Variants in PDLIM5 observed in about 807,000 individuals in gnomAD.
PDLIM5 encodes the protein PDZ and LIM domain 5, also known as PDZ and LIM domain protein 5.
In PDLIM5, 34 loss-of-function variants were observed where a neutral mutation model predicts 64.2. The ratio of observed to expected loss-of-function variants is 0.53; its 90% CI spans 0.40 to 0.71. The LOEUF (loss-of-function observed/expected upper bound fraction) is 0.71. Among genes scored for constraint, PDLIM5 ranks in the 30% least tolerant of loss-of-function variants. PDLIM5 has a pLI of 0.00. For missense variants in PDLIM5, 683 were observed against 733.6 expected (o/e 0.93, Z 0.80); for synonymous variants, 253 against 269.1 (o/e 0.94, Z 0.59).
At chr4:94,518,441 T>A (rs1452945891) in intron 2 of PDLIM5, among the ~76,000 whole-genome samples, 1 of 152,206 alleles carries the variant, frequency 6.6e-6, no homozygotes, top group East Asian at 1.9e-4. Flanking sequence ...TTATTTTCAG[T>A]GTAATTTTAT....
intron 2 of PDLIM5, among the ~76,000 whole-genome samples, chr4:94,468,859 A>G (rs1311206894): frequency 6.6e-6 from 1 of 152,232 alleles, no homozygotes; most frequent in African/African-American, 2.4e-5. Flanking sequence ...ACACATATTT[A>G]TTGATCTCTT....
At chr4:94,654,376 G>C in intron 9 of PDLIM5, 84 bp from the exon 10 acceptor site, 1 of 838,134 alleles carries the variant, frequency 1.2e-6, no homozygotes, top group Non-Finnish European at 2.0e-6. Flanking sequence ...TAATTGGTTG[G>C]ACATTGCATA....
chr4:94,587,693 A>G, intron 7 of PDLIM5: 1 of 984,892 alleles, frequency 1.0e-6, no homozygotes, highest in Non-Finnish European at 1.2e-6. Flanking sequence ...GCTCCTGAAA[A>G]AGGAAAGAAG....
chr4:94,457,821 CAG>C (rs1723515248), intron 2 of PDLIM5, among the ~76,000 whole-genome samples: 1 of 152,174 alleles, frequency 6.6e-6, no homozygotes, highest in South Asian at 2.1e-4. Context: ...CTTGTGTAGA[CAG>C]AGTGCTAATT....
Position 94,575,966 on chromosome 4 carries a change from C to T in PDLIM5, c.642C>T (p.Ser214=), listed in dbSNP as rs781533131. The T allele has an allele frequency of 3.6e-5, 58 of 1,614,012 alleles. No homozygotes were observed. Among genetic ancestry groups the T allele is most frequent in the Non-Finnish European group, 4.3e-5 (51 of 1,180,016 alleles). The change falls in exon 5 of 13, where the codon TCC becomes TCT. Residue 214 remains serine, a synonymous_variant. Transcript: ENST00000317968. ...PRQPTVTSVC[S]ETSQELAEGQ... ...AGCCCACAGTCACCAGCGTGTGTTC[C>T]GAGACTTCTCAGGAGCTAGCAGAGG...
At chr4:94,652,088 G>C (rs1741886345) in intron 9 of PDLIM5, among the ~76,000 whole-genome samples, 1 of 152,108 alleles carries the variant, frequency 6.6e-6, no homozygotes, top group Non-Finnish European at 1.5e-5. Flanking sequence ...GATGAACTTT[G>C]TCAAATATTT....
chr4:94,597,914 A>G (rs942067213), intron 7 of PDLIM5, among the ~76,000 whole-genome samples: 1 of 152,300 alleles, frequency 6.6e-6, no homozygotes, highest in East Asian at 1.9e-4. Flanking sequence ...AAGACCCAGA[A>G]TAAGTTCTCA....
intron 8 of PDLIM5, among the ~76,000 whole-genome samples, chr4:94,633,575 C>T (rs1057236005): frequency 8.5e-5 from 13 of 152,258 alleles, no homozygotes; most frequent in South Asian, 8.3e-4. Context: ...TTCTCTAAGA[C>T]GTCTGGTTCC....
chr4:94,529,679 G>GTA (rs1337716790), intron 3 of PDLIM5, among the ~76,000 whole-genome samples: 2 of 152,022 alleles, frequency 1.3e-5, no homozygotes, highest in African/African-American at 4.8e-5. Flanking sequence ...ACTTGACTCA[G>GTA]TATACTCTGT....
chr4:94,571,195 C>T (rs1041169508), intron 3 of PDLIM5, among the ~76,000 whole-genome samples: 27 of 152,194 alleles, frequency 1.8e-4, no homozygotes, highest in African/African-American at 5.5e-4. Flanking sequence ...TTATTCTAAC[C>T]GGTACATCAC....
At position 94,605,796 on chromosome 4, in the gene PDLIM5, C is replaced by CT. The variant is rs1737867923; in HGVS notation, c.921-12202dup. ...AAATTTATTCTCAAATGGCACTCAG[C>CT]TTTTTTCCAATCAGCATATTTCACG... On this transcript the variant is annotated intron_variant, in intron 7 of 12. Transcript: ENST00000317968. Among the ~76,000 whole-genome samples, 2 of 151,154 alleles carry CT rather than the reference C, an allele frequency of 1.3e-5. 1 individual carries two copies. Among genetic ancestry groups the CT allele is most frequent in the South Asian group, 4.2e-4 (2 of 4,780 alleles).
intron 2 of PDLIM5, among the ~76,000 whole-genome samples, chr4:94,498,849 T>G (rs1489850958): frequency 3.3e-5 from 5 of 152,256 alleles, no homozygotes; most frequent in Admixed American, 3.3e-4. Flanking sequence ...AATTAAATTT[T>G]TTTATAAAGC....
intron 2 of PDLIM5, among the ~76,000 whole-genome samples, chr4:94,478,900 T>G (rs927154505): frequency 1.4e-5 from 2 of 144,502 alleles, no homozygotes; most frequent in East Asian, 2.0e-4. Flanking sequence ...GTTTTTTTTT[T>G]TTTTTTTTTT....
chr4:94,513,303 T>C (rs1729064467), intron 2 of PDLIM5, among the ~76,000 whole-genome samples: 1 of 152,228 alleles, frequency 6.6e-6, no homozygotes, highest in Admixed American at 6.5e-5. Flanking sequence ...TTCCATTGAA[T>C]TTATAGATTG....
At chr4:94,614,171 C>T (rs1399071453) in intron 7 of PDLIM5, among the ~76,000 whole-genome samples, 1 of 152,134 alleles carries the variant, frequency 6.6e-6, no homozygotes, top group Non-Finnish European at 1.5e-5. Context: ...CCACATTGTC[C>T]AGGATGGTCT....
chr4:94,655,417 A>G (rs1239005698), intron 10 of PDLIM5, among the ~76,000 whole-genome samples: 1 of 152,194 alleles, frequency 6.6e-6, no homozygotes, highest in Non-Finnish European at 1.5e-5. Flanking sequence ...GAACTCTAAT[A>G]TACTCTCAAT....
In PDLIM5 at chr4:94,489,751, G is replaced by A. The variant is rs554268975; in HGVS notation, c.97-33973G>A. 4.6e-5 allele frequency among the ~76,000 whole-genome samples: 7 copies of A among 151,912 alleles called. No individual in the cohort carries two copies. The East Asian group carries it at 1.4e-3, about 29-fold the overall frequency. On this transcript the variant is annotated intron_variant, in intron 2 of 12. Transcript: ENST00000317968. ...GACCAGCCTGGGCAACATAGGGAAG[G>A]CCCCATCTCTACAAAATTTAAAAAA...
At chr4:94,453,798 T>C (rs1723074809) in intron 1 of PDLIM5, among the ~76,000 whole-genome samples, 1 of 152,348 alleles carries the variant, frequency 6.6e-6, no homozygotes, top group Middle Eastern at 3.4e-3. Context: ...ACAGTTTGAC[T>C]TCCGGCTTGG....
intron 2 of PDLIM5, among the ~76,000 whole-genome samples, chr4:94,466,398 A>T (rs1724368644): frequency 6.6e-6 from 1 of 152,200 alleles, no homozygotes; most frequent in Non-Finnish European, 1.5e-5. Context: ...CATCAGTGAG[A>T]CTTTGAAAGT....
Sources: gnomAD v4.1 joint callset for allele counts (sites outside exome capture counted in the v4.1 genomes callset) on GRCh38, gnomAD v4.1.1 for gene constraint, MANE v1.5 for transcripts, NCBI Gene and HGNC (gene_info 2026-07-23, HGNC 2026-07-21) for gene names.